NAPB: variants seen among roughly 807,000 people sequenced by gnomAD.
The protein encoded by NAPB is beta-soluble NSF attachment protein.
NAPB carries 26 observed loss-of-function variants against 44.7 expected under a neutral mutation model. The ratio of observed to expected loss-of-function variants is 0.58; its 90% CI spans 0.43 to 0.81. The LOEUF (loss-of-function observed/expected upper bound fraction) is 0.81, where lower values mean the gene tolerates loss of function less well. NAPB is among the 30% of genes least tolerant of loss of function. The pLI is 0.00. For missense variants in NAPB, 315 were observed against 356.4 expected (o/e 0.88, Z 0.94); for synonymous variants, 120 against 116.8 (o/e 1.03, Z -0.18).
intron 7 of NAPB, 98 bp downstream of exon 7, chr20:23,389,848 G>T: frequency 1.0e-6 from 1 of 990,346 alleles, no homozygotes; most frequent in Non-Finnish European, 1.6e-6. Flanking sequence ...CTCATTACGT[G>T]ATGTGTGGAT....
chr20:23,377,593 TTTC>T, intron 10 of NAPB, 107 bp from the exon 11 acceptor site: 1 of 499,534 alleles, frequency 2.0e-6, no homozygotes, highest in Non-Finnish European at 3.3e-6. Context: ...ATCTACTAAC[TTTC>T]TTCATCATTT....
chr20:23,397,379 T>C (rs1482418616), intron 2 of NAPB, among the ~76,000 whole-genome samples, 191 bp from the exon 3 acceptor site: 1 of 152,236 alleles, frequency 6.6e-6, no homozygotes, highest in African/African-American at 2.4e-5. Flanking sequence ...CAAACAGCGA[T>C]GAAAGCTTCT....
chr20:23,381,829 C>G (rs1024473566), intron 7 of NAPB, among the ~76,000 whole-genome samples: 1 of 152,196 alleles, frequency 6.6e-6, no homozygotes, highest in Non-Finnish European at 1.5e-5. Flanking sequence ...AATAACTGCT[C>G]TACTCCAGCC....
At chr20:23,377,627 A>G in intron 10 of NAPB, 141 bp from the exon 11 acceptor site, 1 of 426,320 alleles carries the variant, frequency 2.3e-6, no homozygotes, top group Non-Finnish European at 4.0e-6. Flanking sequence ...ATTCCAGTTT[A>G]TAACTTTCTT....
At chr20:23,395,098 A>C in intron 4 of NAPB, 41 bp downstream of exon 4, 1 of 1,613,970 alleles carries the variant, frequency 6.2e-7, no homozygotes, top group Non-Finnish European at 8.5e-7. Flanking sequence ...AGCCATCTCA[A>C]GACTCCACCC....
At chr20:23,398,894 A>G (rs1984605082) in intron 2 of NAPB, among the ~76,000 whole-genome samples, 1 of 103,178 alleles carries the variant, frequency 9.7e-6, no homozygotes, top group Admixed American at 1.5e-4. Context: ...GACAGGTGCT[A>G]TGTTGCCCAG....
chr20:23,382,859 A>G (rs1983133554), intron 7 of NAPB, among the ~76,000 whole-genome samples: 1 of 152,200 alleles, frequency 6.6e-6, no homozygotes, highest in South Asian at 2.1e-4. Flanking sequence ...GGGGAGGAGA[A>G]AGAGAAAAGG....
chr20:23,394,876 G>A, intron 5 of NAPB, 46 bp downstream of exon 5: 1 of 1,572,518 alleles, frequency 6.4e-7, no homozygotes, highest in Non-Finnish European at 8.8e-7. Context: ...CTTTGAGTCA[G>A]CTTATCTGCC....
chr20:23,405,567 T>C (rs970489951), intron 1 of NAPB, among the ~76,000 whole-genome samples: 1 of 151,518 alleles, frequency 6.6e-6, no homozygotes, highest in Non-Finnish European at 1.5e-5. Flanking sequence ...CTAGTAAAAA[T>C]ACAAAAATTA....
intron 7 of NAPB, among the ~76,000 whole-genome samples, chr20:23,384,151 T>C (rs917648317): frequency 6.6e-6 from 1 of 152,196 alleles, no homozygotes; most frequent in Non-Finnish European, 1.5e-5. Context: ...CTTTTTTATA[T>C]GTGAGTTCCA....
At chr20:23,407,806 G>C (rs1481982878) in intron 1 of NAPB, among the ~76,000 whole-genome samples, 4 of 152,164 alleles carry the variant, frequency 2.6e-5, no homozygotes, top group Non-Finnish European at 5.9e-5. Context: ...GTCCCACCAG[G>C]AGCCAGTGAA....
rs555325449 is a variant in NAPB, at chr20:23,388,269, A to AC, written c.561+1676_561+1677insG. On this transcript the variant is annotated intron_variant, in intron 7 of 10. Transcript: ENST00000377026. The stretch of plus-strand genomic sequence containing the variant: ...CACACATACACACTCACACACACAC[A>AC]AACACACACACATACACCCCTACAC... 2.0e-3 allele frequency among the ~76,000 whole-genome samples: 301 copies of AC among 152,018 alleles called. 3 individuals carry two copies. Among genetic ancestry groups the AC allele is most frequent in the African/African-American group, 7.0e-3 (292 of 41,518 alleles).
chr20:23,415,990 C>T (rs901898921), intron 1 of NAPB, among the ~76,000 whole-genome samples: 13 of 152,098 alleles, frequency 8.5e-5, no homozygotes, highest in African/African-American at 2.2e-4. Context: ...ATAAATAAAA[C>T]GGAAGAAAGC....
At chr20:23,396,974 G>C in intron 3 of NAPB, 98 bp downstream of exon 3, 1 of 1,235,472 alleles carries the variant, frequency 8.1e-7, no homozygotes, top group Non-Finnish European at 1.1e-6. Flanking sequence ...CTTTTTACCA[G>C]GACTTGAAAG....
chr20:23,408,445 T>C (rs573412565), intron 1 of NAPB, among the ~76,000 whole-genome samples: 344 of 152,228 alleles, frequency 2.3e-3, no homozygotes, highest in Non-Finnish European at 4.0e-3. Flanking sequence ...AATAAGCAAA[T>C]GTAGAAAGAA....
chr20:23,380,055 TAAACTC>T (rs1189969141), intron 8 of NAPB, 120 bp from the exon 9 acceptor site: 9 of 660,924 alleles, frequency 1.4e-5, no homozygotes, highest in African/African-American at 9.2e-5. Flanking sequence ...AGTATGTAGT[TAAACTC>T]AAAAGCAGAA....
intron 8 of NAPB, chr20:23,380,981 T>C (rs780036613): frequency 4.5e-6 from 2 of 440,060 alleles, no homozygotes; most frequent in South Asian, 2.4e-5. Flanking sequence ...TCAGACGAGA[T>C]TGGGTGTGTT....
At chr20:23,390,086 G>A (rs1983838302) in intron 6 of NAPB, 56 bp from the exon 7 acceptor site, 1 of 1,571,084 alleles carries the variant, frequency 6.4e-7, no homozygotes, top group African/African-American at 1.3e-5. Context: ...AATAAAAGAT[G>A]TGCACTGGGC....
At chr20:23,396,235 C>T (rs1014624150) in intron 3 of NAPB, among the ~76,000 whole-genome samples, 2 of 152,318 alleles carry the variant, frequency 1.3e-5, no homozygotes, top group Middle Eastern at 3.4e-3. Flanking sequence ...GATTTTAATG[C>T]CTGCACCATA....
Sources: allele counts gnomAD v4.1 joint callset (sites outside exome capture counted in the v4.1 genomes callset), GRCh38; gene constraint gnomAD v4.1.1; transcripts MANE v1.5; gene names NCBI Gene and HGNC (gene_info 2026-07-23, HGNC 2026-07-21).